The following TRPC7 variants were observed in gnomAD, a reference collection of about 807,000 sequenced individuals.
TRPC7 encodes transient receptor potential cation channel subfamily C member 7.
TRPC7 carries 42 observed loss-of-function variants against 90.1 expected under a neutral mutation model. That is an observed-to-expected ratio of 0.47 (90% CI 0.36 to 0.60). The LOEUF (loss-of-function observed/expected upper bound fraction) is 0.60. Ranked by LOEUF, TRPC7 falls within the 20% of genes least tolerant of loss-of-function variation. The pLI is 0.00. For missense variants in TRPC7, 955 were observed against 1,112.3 expected (o/e 0.86, Z 2.01); for synonymous variants, 451 against 436.3 (o/e 1.03, Z -0.42).
chr5:136,281,423 A>G (rs1757547242), intron 3 of TRPC7, among the ~76,000 whole-genome samples: 1 of 152,224 alleles, frequency 6.6e-6, no homozygotes, highest in Admixed American at 6.5e-5. Context: ...ACTCCATTTA[A>G]ACAATCACTT....
intron 3 of TRPC7, among the ~76,000 whole-genome samples, chr5:136,287,719 A>G (rs1757774538): frequency 6.9e-6 from 1 of 145,364 alleles, no homozygotes; most frequent in African/African-American, 2.6e-5. Context: ...AAAAAAAAAA[A>G]AAAAAAAAAA....
chr5:136,315,657 G>T lies in TRPC7; in HGVS notation c.903C>A (p.Ser301=). The T allele has an allele frequency of 6.2e-7, 1 of 1,613,854 alleles. No individual in the cohort carries two copies. The highest frequency in any genetic ancestry group is 1.3e-5 in the African/African-American group (1 of 75,008). ...GGCTCAGACTTGGACGGTGGTGGTCGGACCAGACTTGGAAGTTCACATCAC... is the reference window on the plus strand; with the variant it reads ...GGCTCAGACTTGGACGGTGGTGGTCTGACCAGACTTGGAAGTTCACATCAC... The part of the protein sequence containing the change: ...LNGDVNFQVW[S]DHHRPSLSRI... The change falls in exon 3 of 12, where the codon TCC becomes TCA. Residue 301 remains serine (S), a synonymous_variant. Coordinates refer to ENST00000513104, the MANE Select transcript of TRPC7 (RefSeq NM_020389.3).
chr5:136,306,032 C>A (rs1758614882), intron 3 of TRPC7, among the ~76,000 whole-genome samples: 1 of 152,148 alleles, frequency 6.6e-6, no homozygotes, highest in Non-Finnish European at 1.5e-5. Flanking sequence ...AACTTGTCAT[C>A]CCTACTATTT....
intron 3 of TRPC7, among the ~76,000 whole-genome samples, chr5:136,283,326 G>T (rs1338442472): frequency 6.6e-6 from 1 of 152,164 alleles, no homozygotes; most frequent in Non-Finnish European, 1.5e-5. Context: ...CGTTGCTCCT[G>T]TCTCTAGATG....
chr5:136,365,421 C>A lies in TRPC7; in HGVS notation c.-167G>T. On this transcript the variant is annotated 5_prime_UTR_variant, in exon 1 of 12. Coordinates refer to ENST00000513104, the MANE Select transcript of TRPC7 (RefSeq NM_020389.3). ...TAAGTTGCAACGATGTGAAAGCGCG[C>A]TCCTCTGTTCTTTGTGTTGCAGTGG... The A allele has an allele frequency of 1.5e-6, 1 of 685,730 alleles. No individual in the cohort carries two copies. Among genetic ancestry groups the A allele is most frequent in the Non-Finnish European group, 2.5e-6 (1 of 397,916 alleles). The allele number at this position is 685,730 out of a possible 1,614,324, so 42.5% of individuals were successfully genotyped here.
At chr5:136,237,787 T>C (rs1756029466) in intron 7 of TRPC7, among the ~76,000 whole-genome samples, 1 of 152,246 alleles carries the variant, frequency 6.6e-6, no homozygotes, top group Non-Finnish European at 1.5e-5. Context: ...ATTACTAGTG[T>C]TCATTTTTTA....
chr5:136,291,070 C>A (rs1757929393), intron 3 of TRPC7, among the ~76,000 whole-genome samples: 2 of 152,264 alleles, frequency 1.3e-5, no homozygotes, highest in South Asian at 2.1e-4. Context: ...GAAATAAAAT[C>A]CTTTACAGAG....
At chr5:136,253,558 G>C (rs1756594806) in intron 5 of TRPC7, among the ~76,000 whole-genome samples, 1 of 152,044 alleles carries the variant, frequency 6.6e-6, no homozygotes, top group African/African-American at 2.4e-5. Flanking sequence ...AGTGGTCTTT[G>C]TGATCTTTGA....
intron 3 of TRPC7, among the ~76,000 whole-genome samples, chr5:136,295,121 C>G (rs1325685873): frequency 1.3e-5 from 2 of 151,596 alleles, no homozygotes; most frequent in East Asian, 3.9e-4. Flanking sequence ...GGGAACATCA[C>G]ACACCGGGGC....
chr5:136,261,243 T>A (rs1756849477), intron 5 of TRPC7, among the ~76,000 whole-genome samples: 6 of 152,254 alleles, frequency 3.9e-5, no homozygotes, highest in Admixed American at 3.9e-4. Flanking sequence ...AACAAGATAA[T>A]GTTAATTCTA....
At chr5:136,217,608 G>T (rs1011097635) in intron 10 of TRPC7, among the ~76,000 whole-genome samples, 1 of 152,224 alleles carries the variant, frequency 6.6e-6, no homozygotes, top group Non-Finnish European at 1.5e-5. Flanking sequence ...TTGCCTTCCT[G>T]CTGCTCCTTC....
intron 1 of TRPC7, among the ~76,000 whole-genome samples, chr5:136,364,610 G>A (rs1489091969): frequency 2.0e-5 from 3 of 152,058 alleles, no homozygotes; most frequent in Non-Finnish European, 1.5e-5. Flanking sequence ...AATAGCAATA[G>A]CATTTTGGTT....
chr5:136,351,890 G>A (rs1760204264), intron 2 of TRPC7, among the ~76,000 whole-genome samples: 1 of 152,134 alleles, frequency 6.6e-6, no homozygotes, highest in Non-Finnish European at 1.5e-5. Context: ...CATAATACAT[G>A]TGGTTAGCAA....
chr5:136,228,573 G>A (rs549216285), intron 8 of TRPC7, among the ~76,000 whole-genome samples: 152 of 151,444 alleles, frequency 1.0e-3, no homozygotes, highest in Admixed American at 2.6e-3. Flanking sequence ...GAGCAGAATG[G>A]AGCAGGGCAG....
intron 2 of TRPC7, among the ~76,000 whole-genome samples, chr5:136,325,692 G>A (rs573560425): frequency 9.2e-5 from 14 of 152,176 alleles, no homozygotes; most frequent in African/African-American, 3.4e-4. Context: ...AAGGTCTAGG[G>A]GCAGATAATC....
chr5:136,274,384 A>G (rs1165998807), intron 4 of TRPC7, among the ~76,000 whole-genome samples: 1 of 152,194 alleles, frequency 6.6e-6, no homozygotes, highest in African/African-American at 2.4e-5. Flanking sequence ...CATAATTAGA[A>G]GAAGAAAAGT....
chr5:136,238,782 G>C (rs1756070736), intron 7 of TRPC7, among the ~76,000 whole-genome samples: 1 of 152,096 alleles, frequency 6.6e-6, no homozygotes. Flanking sequence ...GGGGCTCACA[G>C]GTCCCAGGCT....
At chr5:136,234,358 G>C (rs1413649215) in intron 7 of TRPC7, among the ~76,000 whole-genome samples, 3 of 151,866 alleles carry the variant, frequency 2.0e-5, no homozygotes, top group Non-Finnish European at 4.4e-5. Context: ...GCCCAGGCTG[G>C]AGTGCAAGTG....
chr5:136,332,554 G>A (rs1018277922), intron 2 of TRPC7, among the ~76,000 whole-genome samples: 10 of 152,142 alleles, frequency 6.6e-5, no homozygotes, highest in South Asian at 4.1e-4. Context: ...AGAGACAAAC[G>A]TGACTTGGAC....
Sources: gnomAD v4.1 joint callset for allele counts (sites outside exome capture counted in the v4.1 genomes callset) on GRCh38, gnomAD v4.1.1 for gene constraint, MANE v1.5 for transcripts, NCBI Gene and HGNC (gene_info 2026-07-23, HGNC 2026-07-21) for gene names.